Variants in ZER1 observed in about 807,000 individuals in gnomAD.
ZER1 encodes zyg-11 related cell cycle regulator, also known as protein zer-1 homolog.
Under a neutral mutation model 78.8 loss-of-function variants are expected in ZER1, and 11 were observed. The observed-to-expected ratio is 0.14, with a 90% confidence interval of 0.09 to 0.23. The LOEUF (loss-of-function observed/expected upper bound fraction) is 0.23, where lower values mean the gene tolerates loss of function less well. ZER1 is among the 10% of genes least tolerant of loss of function. ZER1 has a pLI of 1.00. For synonymous variants in ZER1, 400 were observed against 407.0 expected, an observed-to-expected ratio of 0.98 and a Z score of 0.21; for missense variants, 588 against 996.9, an observed-to-expected ratio of 0.59 and a Z score of 5.52.
intron 9 of ZER1, among the ~76,000 whole-genome samples, chr9:128,742,060 G>C (rs1023226562): frequency 6.6e-6 from 1 of 152,222 alleles, no homozygotes; most frequent in Non-Finnish European, 1.5e-5. Context: ...TGGCCCTCGG[G>C]TGACTCCCCT....
At chr9:128,733,617 C>A (rs1488718748) in intron 14 of ZER1, 89 bp from the exon 15 acceptor site, 1 of 1,224,772 alleles carries the variant, frequency 8.2e-7, no homozygotes, top group African/African-American at 1.5e-5. Flanking sequence ...TGAGGACTAT[C>A]CTGGTGTCGG....
At position 128,734,144 on chromosome 9, in the gene ZER1, A is replaced by AAAAAAAAAAAAT; in HGVS notation, c.2141-617_2141-616insATTTTTTTTTTT. Among the ~76,000 whole-genome samples, 7 of 14,442 alleles carry AAAAAAAAAAAAT rather than the reference A, an allele frequency of 4.8e-4. 1 individual carries two copies. Among genetic ancestry groups the AAAAAAAAAAAAT allele is most frequent in the African/African-American group, 1.3e-3 (7 of 5,352 alleles). 9.5% of individuals were successfully genotyped at this position (14,442 alleles called of 152,430 possible). A position where few individuals can be genotyped will look rare whatever the true frequency, so the allele number is the denominator to read the frequency against. On this transcript the variant is annotated intron_variant, in intron 14 of 15. Transcript: ENST00000291900. ...CTCCGTCTCAAAAAAAAAAAAAAAA[A>AAAAAAAAAAAAT]ATATATATATATATATATAAAATCT... is the stretch of plus-strand genomic sequence containing the variant.
Position 128,753,925 on chromosome 9 carries a change from C to T in ZER1, c.193G>A (p.Glu65Lys), listed in dbSNP as rs769655810. The T allele has an allele frequency of 2.0e-5, 32 of 1,593,066 alleles. No homozygotes were observed. Among genetic ancestry groups the T allele is most frequent in the South Asian group, 8.0e-5 (7 of 87,862 alleles). ...AGGCTGAAGAAGCTCTCGTGTGGCT[C>T]GAAGTTACAGGCAGCGTTCACCAGC... ...VELVNAACNFEPHESFFSLFS... is the reference protein window; with the variant it reads ...VELVNAACNFKPHESFFSLFS... The change falls in exon 3 of 16, where the codon GAG becomes AAG. Residue 65 changes from glutamate to lysine, a missense_variant. Physicochemically the swap from Glu to Lys is moderately conservative, Grantham distance 56 (BLOSUM62 1). This residue lies in a region of ZER1 where 406 missense variants were observed against 660.1 expected (regional missense o/e 0.62). Coordinates refer to ENST00000291900, the MANE Select transcript of ZER1 (RefSeq NM_006336.4). The surrounding 1 kb of genome is among the most constrained non-coding windows in gnomAD (Gnocchi z 7.5).
chr9:128,759,274 G>A lies in ZER1; in HGVS notation c.-94-3615C>T, dbSNP rs140010109. Among the ~76,000 whole-genome samples the A allele has an allele frequency of 4.5e-3, 674 of 151,452 alleles. 5 individuals carry two copies. Among genetic ancestry groups the A allele is most frequent in the African/African-American group, 0.015 (627 of 41,332 alleles). On this transcript the variant is annotated intron_variant, in intron 1 of 15. Transcript: ENST00000291900. ...CAACCTCCGCCTCTCAGGTTCAAGC[G>A]GTTCTCCTGCCTCAGCCTCTGGAGT...
rs1321001414 is a variant in ZER1 at position 128,755,974 on chromosome 9, CTACA to C, written c.-94-319_-94-316del. On this transcript the variant is annotated intron_variant, in intron 1 of 15. Transcript: ENST00000291900. This position sits in a 1 kb window ranked among gnomAD's most constrained non-coding sequence, Gnocchi z 5.6. Reference sequence around the variant, plus strand: ...CTTCAGCTTCCCACAGTCTGAAGAGCTACACTGGGGTGTTCCATGCTGTGCAGTA... The same window carrying C: ...CTTCAGCTTCCCACAGTCTGAAGAGCCTGGGGTGTTCCATGCTGTGCAGTA... Among the ~76,000 whole-genome samples the C allele has an allele frequency of 1.3e-5, 2 of 152,206 alleles. No individual in the cohort carries two copies. The highest frequency in any genetic ancestry group is 2.4e-5 in the African/African-American group (1 of 41,446).
Position 128,740,605 on chromosome 9 carries a change from C to T in ZER1, c.1853+167G>A, listed in dbSNP as rs1863258928. Among the ~76,000 whole-genome samples, 1 of 150,946 alleles carries T rather than the reference C, an allele frequency of 6.6e-6. No individual in the cohort carries two copies. Among genetic ancestry groups the T allele is most frequent in the Admixed American group, 6.6e-5 (1 of 15,132 alleles). ...AAAAAAAAAAAAAAAGATATAATTA[C>T]AAAAGGACCACTTACGAAGGATTGA... On this transcript the variant is annotated intron_variant, in intron 12 of 15. Transcript: ENST00000291900. The surrounding 1 kb of genome is among the most constrained non-coding windows in gnomAD (Gnocchi z 4.4).
At position 128,751,083 on chromosome 9, in the gene ZER1, G is replaced by T. The variant is rs758066269; in HGVS notation, c.1185+39C>A. ...GCCAAGCCCGGCAACCTCCAGGTGG[G>T]GAGGGACAGGAGGCCAAGGCCCCAG... On this transcript the variant is annotated intron_variant, in intron 7 of 15. Transcript: ENST00000291900. This position sits in a 1 kb window ranked among gnomAD's most constrained non-coding sequence, Gnocchi z 5.4. 1.3e-6 allele frequency: 2 copies of T among 1,553,302 alleles called. No individual in the cohort carries two copies. The highest frequency in any genetic ancestry group is 1.7e-6 in the Non-Finnish European group (2 of 1,145,244).
chr9:128,739,503 A>G (rs1863216128), intron 13 of ZER1, among the ~76,000 whole-genome samples: 1 of 145,636 alleles, frequency 6.9e-6, no homozygotes, highest in South Asian at 2.1e-4. Flanking sequence ...CTCTGTCTCA[A>G]AAAAAAAAAA....
At chr9:128,766,105 C>T (rs998129777) in intron 1 of ZER1, among the ~76,000 whole-genome samples, 5 of 152,220 alleles carry the variant, frequency 3.3e-5, no homozygotes, top group African/African-American at 1.2e-4. Flanking sequence ...AATCCCAGCA[C>T]TTTGGGAGGC....
intron 1 of ZER1, among the ~76,000 whole-genome samples, chr9:128,766,797 G>A (rs992599157): frequency 8.6e-6 from 1 of 116,134 alleles, no homozygotes; most frequent in African/African-American, 3.3e-5. Flanking sequence ...AGTGAGCCGA[G>A]ATTGCACCAC....
chr9:128,750,872 G>A, intron 7 of ZER1, 83 bp from the exon 8 acceptor site: 3 of 1,569,340 alleles, frequency 1.9e-6, no homozygotes, highest in Non-Finnish European at 2.6e-6. Context: ...GGCTCTCTGG[G>A]GCAAGGTTTA....
Position 128,732,900 on chromosome 9 carries a change from GTC to G in ZER1, c.2243+524_2243+525del, listed in dbSNP as rs981999680. 5 of 154,132 alleles carry G rather than the reference GTC, an allele frequency of 3.2e-5. No homozygotes were observed. The highest frequency in any genetic ancestry group is 3.2e-4 in the Admixed American group (5 of 15,704). 9.5% of individuals were successfully genotyped at this position (154,132 alleles called of 1,614,324 possible). ...ATTTCGACACGTCGCATCCCTGAGAGTCTCTCGTGTCCTGATCAACTCGAGAA... is the reference window on the plus strand; with the variant it reads ...ATTTCGACACGTCGCATCCCTGAGAGTCTCGTGTCCTGATCAACTCGAGAA... On this transcript the variant is annotated intron_variant, in intron 15 of 15. Transcript: ENST00000291900. The surrounding 1 kb of genome is among the most constrained non-coding windows in gnomAD (Gnocchi z 4.8).
At chr9:128,742,427 G>T in intron 9 of ZER1, 103 bp downstream of exon 9, 1 of 1,370,896 alleles carries the variant, frequency 7.3e-7, no homozygotes, top group East Asian at 2.3e-5. Context: ...CTCCCTCTCC[G>T]ACTCCCAGCC....
At chr9:128,765,827 C>T (rs1379805122) in intron 1 of ZER1, among the ~76,000 whole-genome samples, 1 of 152,124 alleles carries the variant, frequency 6.6e-6, no homozygotes, top group East Asian at 1.9e-4. Context: ...AACCAGACGC[C>T]ACCTGGCTCT....
Position 128,733,495 on chromosome 9 carries a change from C to G in ZER1, c.2174G>C (p.Gly725Ala), listed in dbSNP as rs1389259355. 2 of 1,613,836 alleles carry G rather than the reference C, an allele frequency of 1.2e-6. No individual in the cohort carries two copies. The highest frequency in any genetic ancestry group is 2.7e-5 in the African/African-American group (2 of 75,004). ...TATGTCCCTCAGAAGGGGCATCCCC[C>G]CTTCTTTGATCAGCAGAGGGCAGTA... ...DKYCPLLIKE[G>A]GMPLLRDIIK... Residue 725 changes from glycine (G) to alanine (A), a missense_variant, in exon 15 of 16, where the codon GGG becomes GCG. Physicochemically the swap from Gly to Ala is moderately conservative, Grantham distance 60. Coordinates refer to ENST00000291900, the MANE Select transcript of ZER1 (RefSeq NM_006336.4).
Position 128,755,667 on chromosome 9 carries a change from G to A in ZER1, c.-94-8C>T. 6.8e-7 allele frequency: 1 copy of A among 1,472,356 alleles called. No homozygotes were observed. The highest frequency in any genetic ancestry group is 9.2e-7 in the Non-Finnish European group (1 of 1,087,726). 91.2% of individuals were successfully genotyped at this position (1,472,356 alleles called of 1,614,324 possible). ...CATTGGCAGAGCCACTGCCTGGGGA[G>A]TGGACAAGATGCCAAGTGAGCCACA... On this transcript the variant is annotated splice_polypyrimidine_tract_variant and splice_region_variant and intron_variant, in intron 1 of 15. Coordinates refer to ENST00000291900, the MANE Select transcript of ZER1 (RefSeq NM_006336.4). The surrounding 1 kb of genome is among the most constrained non-coding windows in gnomAD (Gnocchi z 5.6).
upstream of ZER1, chr9:128,771,984 C>G (rs1356096909): frequency 3.3e-5 from 5 of 152,260 alleles, no homozygotes; most frequent in East Asian, 9.6e-4. Context: ...TCCCCCGACC[C>G]GTCCCGCGGC....
rs1589527039 is a variant in ZER1, at chr9:128,745,991, C to T, written c.1360-3246G>A. 3 of 152,106 alleles carry T rather than the reference C, an allele frequency of 2.0e-5. No individual in the cohort carries two copies. The South Asian group carries it at 6.2e-4, about 32-fold the overall frequency. 9.4% of individuals were successfully genotyped at this position (152,106 alleles called of 1,614,324 possible). On this transcript the variant is annotated intron_variant, in intron 8 of 15. Transcript: ENST00000291900. ...AGTAGCTGGGATTACAGGCACACAC[C>T]ACCACGCCCGGCTAATTTTTGTATT...
intron 1 of ZER1, among the ~76,000 whole-genome samples, chr9:128,758,718 G>A (rs1371542459): frequency 6.6e-6 from 1 of 151,912 alleles, no homozygotes; most frequent in Non-Finnish European, 1.5e-5. Flanking sequence ...GGGATTACAG[G>A]CATGAGCCGC....
Sources: gnomAD v4.1 joint callset for allele counts (sites outside exome capture counted in the v4.1 genomes callset) on GRCh38, gnomAD v4.1.1 for gene constraint, gnomAD v4.1.1 regional missense constraint, Gnocchi (gnomAD v3.1) non-coding constraint, MANE v1.5 for transcripts, NCBI Gene and HGNC (gene_info 2026-07-23, HGNC 2026-07-21) for gene names.